The following QKI variants were observed in gnomAD, a reference collection of about 807,000 sequenced individuals.
QKI encodes the protein KH domain-containing RNA-binding protein QKI.
QKI carries 10 observed loss-of-function variants against 39.0 expected under a neutral mutation model. The observed-to-expected ratio is 0.26, with a 90% CI of 0.16 to 0.43. The LOEUF (loss-of-function observed/expected upper bound fraction) is 0.43. Among genes scored for constraint, QKI ranks in the 20% least tolerant of loss-of-function variants. The pLI, the probability that QKI is intolerant of heterozygous loss-of-function variation, is 1.00. For missense variants in QKI, 218 were observed against 428.0 expected (o/e 0.51, Z 4.33); for synonymous variants, 204 against 155.4 (o/e 1.31, Z -2.33).
Position 163,555,992 on chromosome 6 carries a change from G to T in QKI, c.547-5990G>T, listed in dbSNP as rs569724691. On this transcript the variant is annotated intron_variant, in intron 4 of 7. Coordinates refer to ENST00000361752, the MANE Select transcript of QKI (RefSeq NM_006775.3). ...GTTAAACATGAGGACTTTGAATCAG[G>T]TATTCTGGGTTGGAAGCCAGGTTTG... Among the ~76,000 whole-genome samples, 4 of 152,294 alleles carry T rather than the reference G, an allele frequency of 2.6e-5. No homozygotes were observed. The South Asian group carries it at 8.3e-4, about 32-fold the overall frequency.
chr6:163,444,373 CAG>C (rs1789989089), intron 1 of QKI, among the ~76,000 whole-genome samples: 1 of 152,178 alleles, frequency 6.6e-6, no homozygotes. Context: ...GCTGGCGAAA[CAG>C]GAGTAAAATC....
intron 4 of QKI, among the ~76,000 whole-genome samples, chr6:163,552,966 G>A (rs1452727006): frequency 6.6e-6 from 1 of 150,438 alleles, no homozygotes; most frequent in African/African-American, 2.4e-5. Flanking sequence ...CGCCACAGTG[G>A]GTATACTTTT....
chr6:163,514,540 A>G (rs1025653325), intron 3 of QKI, among the ~76,000 whole-genome samples: 5 of 152,168 alleles, frequency 3.3e-5, no homozygotes, highest in African/African-American at 9.7e-5. Flanking sequence ...GAGTGCTTTC[A>G]GAGCATTTAA....
At chr6:163,483,758 C>T (rs1172317878) in intron 3 of QKI, among the ~76,000 whole-genome samples, 1 of 152,178 alleles carries the variant, frequency 6.6e-6, no homozygotes, top group Admixed American at 6.5e-5. Context: ...TTTCCAGACT[C>T]CTGCTAATGT....
At chr6:163,541,211 G>A (rs1418871020) in intron 4 of QKI, among the ~76,000 whole-genome samples, 3 of 151,824 alleles carry the variant, frequency 2.0e-5, no homozygotes, top group Non-Finnish European at 4.4e-5. Context: ...AATTTTCTTT[G>A]TAATTTCTTC....
chr6:163,522,395 C>A (rs1014369774), intron 3 of QKI, among the ~76,000 whole-genome samples: 9 of 152,078 alleles, frequency 5.9e-5, no homozygotes, highest in African/African-American at 2.2e-4. Context: ...GTGAGTTGCT[C>A]AAGATTACAG....
intron 3 of QKI, among the ~76,000 whole-genome samples, chr6:163,494,628 G>A (rs9458837): frequency 0.08 from 12,092 of 150,474 alleles, 546 homozygotes; most frequent in Middle Eastern, 0.12. Context: ...TATTTTCATG[G>A]TCTGCTTAGT....
chr6:163,480,436 C>G (rs538162356), intron 3 of QKI, among the ~76,000 whole-genome samples: 2 of 152,262 alleles, frequency 1.3e-5, no homozygotes, highest in South Asian at 4.2e-4. Context: ...GTTTTCTGAG[C>G]CCTCCGCCTC....
intron 5 of QKI, 54 bp from the exon 6 acceptor site, chr6:163,563,366 G>T (rs563897591): frequency 1.8e-5 from 25 of 1,426,452 alleles, no homozygotes; most frequent in African/African-American, 4.3e-5. Context: ...TCATTTTTCC[G>T]TATTTTATAC....
intron 3 of QKI, among the ~76,000 whole-genome samples, chr6:163,511,550 TTTAAG>T (rs1779481365): frequency 6.6e-6 from 1 of 151,934 alleles, no homozygotes; most frequent in Non-Finnish European, 1.5e-5. Context: ...TAAAAGGCCT[TTTAAG>T]AGAATATCAT....
chr6:163,476,221 G>A (rs1286394343), intron 2 of QKI, among the ~76,000 whole-genome samples: 1 of 150,892 alleles, frequency 6.6e-6, no homozygotes, highest in African/African-American at 2.4e-5. Context: ...TATACTATAC[G>A]GAGGATAAAA....
intron 1 of QKI, among the ~76,000 whole-genome samples, chr6:163,454,891 C>G (rs1362761019): frequency 6.6e-6 from 1 of 152,108 alleles, no homozygotes; most frequent in African/African-American, 2.4e-5. Flanking sequence ...ACAAAAGAGG[C>G]TTTGGTATTA....
intron 4 of QKI, among the ~76,000 whole-genome samples, chr6:163,556,380 C>T (rs1410198615): frequency 6.6e-6 from 1 of 151,306 alleles, no homozygotes; most frequent in Non-Finnish European, 1.5e-5. Flanking sequence ...GGCGTAGTGA[C>T]ATATGCCTGT....
intron 4 of QKI, among the ~76,000 whole-genome samples, chr6:163,551,896 T>C (rs1782254611): frequency 6.6e-6 from 1 of 152,208 alleles, no homozygotes; most frequent in African/African-American, 2.4e-5. Flanking sequence ...TAAAATTGTA[T>C]GCAACATTTT....
intron 1 of QKI, among the ~76,000 whole-genome samples, chr6:163,436,294 C>A (rs1789267112): frequency 6.6e-6 from 1 of 152,174 alleles, no homozygotes; most frequent in Non-Finnish European, 1.5e-5. Context: ...TGCTTCCATA[C>A]ACAACCCTGA....
At chr6:163,471,392 TAAAG>T (rs1348108021) in intron 2 of QKI, among the ~76,000 whole-genome samples, 2 of 151,976 alleles carry the variant, frequency 1.3e-5, no homozygotes, top group Non-Finnish European at 2.9e-5. Context: ...CATAAAGGAA[TAAAG>T]AGCAACAAAA....
At chr6:163,456,422 G>T (rs1018089811) in intron 2 of QKI, among the ~76,000 whole-genome samples, 1 of 152,096 alleles carries the variant, frequency 6.6e-6, no homozygotes, top group Non-Finnish European at 1.5e-5. Flanking sequence ...CTTGTTGAAT[G>T]AACCAAGAAA....
At chr6:163,517,809 T>C (rs945735814) in intron 3 of QKI, among the ~76,000 whole-genome samples, 1 of 152,100 alleles carries the variant, frequency 6.6e-6, no homozygotes, top group Non-Finnish European at 1.5e-5. Flanking sequence ...ATAGTGTCTC[T>C]CTTTATTTTG....
At chr6:163,471,198 TAGTAAC>T (rs1792158187) in intron 2 of QKI, among the ~76,000 whole-genome samples, 1 of 152,090 alleles carries the variant, frequency 6.6e-6, no homozygotes, top group South Asian at 2.1e-4. Context: ...TCACTTCCAT[TAGTAAC>T]AGTGGAATGA....
Sources: gnomAD v4.1 joint callset for allele counts (sites outside exome capture counted in the v4.1 genomes callset) on GRCh38, gnomAD v4.1.1 for gene constraint, MANE v1.5 for transcripts, NCBI Gene and HGNC (gene_info 2026-07-23, HGNC 2026-07-21) for gene names.